The following UBE2O variants were observed in gnomAD, a reference collection of about 807,000 sequenced individuals.
The protein encoded by UBE2O is ubiquitin conjugating enzyme E2 O, also known as (E3-independent) E2 ubiquitin-conjugating enzyme.
A neutral mutation model predicts 125.8 loss-of-function variants in UBE2O; 15 were observed. The ratio of observed to expected loss-of-function variants is 0.12; its 90% CI spans 0.08 to 0.18. UBE2O has a LOEUF of 0.18. Ranked by LOEUF, UBE2O falls within the 10% of genes least tolerant of loss-of-function variation. The probability of loss-of-function intolerance (pLI) is 1.00; values close to 1 mark genes in which losing one functional copy is unlikely to be tolerated. For synonymous variants in UBE2O, 708 were observed against 703.2 expected (o/e 1.01, Z -0.11); for missense variants, 1,280 against 1,723.6 (o/e 0.74, Z 4.56).
At chr17:76,445,592 G>C (rs1408316806) in intron 1 of UBE2O, among the ~76,000 whole-genome samples, 4 of 152,164 alleles carry the variant, frequency 2.6e-5, no homozygotes, top group Non-Finnish European at 4.4e-5. Flanking sequence ...GTCTAGGGGT[G>C]ACCTGGACAA....
chr17:76,448,666 G>A (rs777067324), intron 1 of UBE2O, among the ~76,000 whole-genome samples: 2 of 152,216 alleles, frequency 1.3e-5, no homozygotes, highest in African/African-American at 2.4e-5. Flanking sequence ...AAGCATAAAC[G>A]CTTTGCCTCC....
chr17:76,425,203 T>G (rs2072787659), intron 1 of UBE2O, among the ~76,000 whole-genome samples: 1 of 129,602 alleles, frequency 7.7e-6, no homozygotes, highest in Non-Finnish European at 1.6e-5. Context: ...TAAAATGTGG[T>G]CACTTCTCAA....
intron 1 of UBE2O, among the ~76,000 whole-genome samples, chr17:76,450,351 T>C (rs1436351529): frequency 6.6e-6 from 1 of 152,120 alleles, no homozygotes; most frequent in Non-Finnish European, 1.5e-5. Context: ...CTATAGCTCA[T>C]GGTAACAGAG....
At chr17:76,413,811 T>C (rs901792574) in intron 1 of UBE2O, among the ~76,000 whole-genome samples, 1 of 152,046 alleles carries the variant, frequency 6.6e-6, no homozygotes, top group Non-Finnish European at 1.5e-5. Context: ...CTCAGGCACT[T>C]TTAGGGTGAG....
chr17:76,398,764 A>T lies in UBE2O; in HGVS notation c.1783+73T>A. ...AGCTCTGACCCCAGATCCACTGCCC[A>T]TTCTCCACAAGCCCCAACCCGGGCC... On this transcript the variant is annotated intron_variant, in intron 10 of 17. Coordinates refer to ENST00000319380, the MANE Select transcript of UBE2O (RefSeq NM_022066.4). The surrounding 1 kb of genome is among the most constrained non-coding windows in gnomAD (Gnocchi z 5.4). 6.4e-7 allele frequency: 1 copy of T among 1,570,714 alleles called. No individual in the cohort carries two copies. The highest frequency in any genetic ancestry group is 8.7e-7 in the Non-Finnish European group (1 of 1,155,798).
Position 76,405,402 on chromosome 17 carries a change from C to A in UBE2O, c.478-86G>T. On this transcript the variant is annotated intron_variant, in intron 2 of 17. Transcript: ENST00000319380. This position sits in a 1 kb window ranked among gnomAD's most constrained non-coding sequence, Gnocchi z 6.1. ...CCCAGCCCAGGCAACCCCAGCGCAC[C>A]CCCTGCAGAGCTGGCCAGTTCTCCC... is the stretch of plus-strand genomic sequence containing the variant. 6.6e-7 allele frequency: 1 copy of A among 1,505,640 alleles called. No homozygotes were observed. Among genetic ancestry groups the A allele is most frequent in the Non-Finnish European group, 9.1e-7 (1 of 1,098,178 alleles). 93.3% of individuals were successfully genotyped at this position (1,505,640 alleles called of 1,614,324 possible). A position where few individuals can be genotyped will look rare whatever the true frequency, so the allele number is the denominator to read the frequency against.
rs2073269395 is a variant in UBE2O, at chr17:76,452,552, CA to C, written c.417+172del. On this transcript the variant is annotated intron_variant, in intron 1 of 17. Coordinates refer to ENST00000319380, the MANE Select transcript of UBE2O (RefSeq NM_022066.4). The surrounding 1 kb of genome is among the most constrained non-coding windows in gnomAD (Gnocchi z 4.4). ...GCAGTGCCTGGCTGGCGTGTGCGCC[CA>C]GAGCTGCTGCAATGACTTTGCATGG... 6.6e-6 allele frequency among the ~76,000 whole-genome samples: 1 copy of C among 152,216 alleles called. No homozygotes were observed. Among genetic ancestry groups the C allele is most frequent in the African/African-American group, 2.4e-5 (1 of 41,470 alleles).
Position 76,402,599 on chromosome 17 carries a change from T to C in UBE2O, c.686+3A>G. The C allele has an allele frequency of 1.2e-6, 2 of 1,613,702 alleles. No individual in the cohort carries two copies. The highest frequency in any genetic ancestry group is 1.7e-6 in the Non-Finnish European group (2 of 1,179,638). On this transcript the variant is annotated splice_donor_region_variant and intron_variant, in intron 4 of 17. Transcript: ENST00000319380. The surrounding 1 kb of genome is among the most constrained non-coding windows in gnomAD (Gnocchi z 5.4). ...CGATGGCTCTCTGGTGGTGAGACTC[T>C]ACCTGGCGCCGTTGGATAGCTTCAG...
intron 1 of UBE2O, among the ~76,000 whole-genome samples, chr17:76,438,657 G>A (rs932894219): frequency 6.6e-6 from 1 of 152,200 alleles, no homozygotes; most frequent in African/African-American, 2.4e-5. Context: ...AGATTTTACT[G>A]GGGGGTTAGG....
chr17:76,409,939 G>A (rs753521818), intron 1 of UBE2O, among the ~76,000 whole-genome samples: 2 of 152,174 alleles, frequency 1.3e-5, no homozygotes, highest in Non-Finnish European at 2.9e-5. Flanking sequence ...CCAGCAGAGG[G>A]AGAGCACAGT....
intron 13 of UBE2O, 51 bp downstream of exon 13, chr17:76,397,748 C>A (rs763638453): frequency 6.3e-7 from 1 of 1,586,370 alleles, no homozygotes; most frequent in East Asian, 2.2e-5. Context: ...GGCCCCCGGC[C>A]CAAGTTGCCA....
intron 1 of UBE2O, among the ~76,000 whole-genome samples, chr17:76,447,743 T>G (rs1176279632): frequency 1.3e-5 from 2 of 152,164 alleles, no homozygotes; most frequent in Non-Finnish European, 2.9e-5. Flanking sequence ...CATTAGGAAT[T>G]CCTATGCCCC....
chr17:76,409,584 T>TG (rs764201464), intron 1 of UBE2O, among the ~76,000 whole-genome samples: 1 of 151,840 alleles, frequency 6.6e-6, no homozygotes, highest in Admixed American at 6.6e-5. Context: ...CTAGTAGAGA[T>TG]GGAGTTTCAC....
intron 1 of UBE2O, among the ~76,000 whole-genome samples, chr17:76,434,562 C>T (rs1320487001): frequency 6.6e-6 from 1 of 152,058 alleles, no homozygotes; most frequent in Non-Finnish European, 1.5e-5. Flanking sequence ...GGTGACTCCT[C>T]GTCCTGGGGA....
At chr17:76,440,688 A>G (rs1206490201) in intron 1 of UBE2O, among the ~76,000 whole-genome samples, 1 of 152,170 alleles carries the variant, frequency 6.6e-6, no homozygotes, top group African/African-American at 2.4e-5. Flanking sequence ...ATCCTTCCAG[A>G]GCAGAGGTGG....
At position 76,395,357 on chromosome 17, in the gene UBE2O, A is replaced by T. The variant is rs1414465696; in HGVS notation, c.2946+368T>A. The T allele has an allele frequency of 5.4e-4, 76 of 139,824 alleles. No homozygotes were observed. Among genetic ancestry groups the T allele is most frequent in the Middle Eastern group, 7.0e-3 (2 of 286 alleles). 8.7% of individuals were successfully genotyped at this position (139,824 alleles called of 1,614,324 possible). A position where few individuals can be genotyped will look rare whatever the true frequency, so the allele number is the denominator to read the frequency against. On this transcript the variant is annotated intron_variant, in intron 15 of 17. Coordinates refer to ENST00000319380, the MANE Select transcript of UBE2O (RefSeq NM_022066.4). The surrounding 1 kb of genome is among the most constrained non-coding windows in gnomAD (Gnocchi z 5.0). ...CATGGTGGCGGGAGAGTTTTTTGTA[A>T]TTTTTTTTTTTTTTTTAGTGGAGAC...
chr17:76,422,658 A>T (rs2072731431), intron 1 of UBE2O, among the ~76,000 whole-genome samples: 1 of 152,242 alleles, frequency 6.6e-6, no homozygotes, highest in South Asian at 2.1e-4. Context: ...ATGTTCCCCC[A>T]GATAGCTGCA....
Position 76,390,875 on chromosome 17 carries a change from C to T in UBE2O, c.*68G>A. On this transcript the variant is annotated 3_prime_UTR_variant, in exon 18 of 18. Transcript: ENST00000319380. ...GAGGGGCATGGGAAGAGGGGTGATT[C>T]CGGGGGGGAGTGAGCAGGCGGCGGC... 6.7e-7 allele frequency: 1 copy of T among 1,489,722 alleles called. No individual in the cohort carries two copies. The highest frequency in any genetic ancestry group is 9.0e-7 in the Non-Finnish European group (1 of 1,109,160). The allele number at this position is 1,489,722 out of a possible 1,614,324, so 92.3% of individuals were successfully genotyped here. A position where few individuals can be genotyped will look rare whatever the true frequency, so the allele number is the denominator to read the frequency against.
chr17:76,424,499 G>A (rs1421768486), intron 1 of UBE2O, among the ~76,000 whole-genome samples: 5 of 151,872 alleles, frequency 3.3e-5, no homozygotes, highest in African/African-American at 7.3e-5. Context: ...GTGAACCACC[G>A]TGCCCAGCCC....
Sources: allele counts gnomAD v4.1 joint callset (sites outside exome capture counted in the v4.1 genomes callset), GRCh38; gene constraint gnomAD v4.1.1; non-coding constraint Gnocchi (gnomAD v3.1); transcripts MANE v1.5; gene names NCBI Gene and HGNC (gene_info 2026-07-23, HGNC 2026-07-21).